CCDC141: variants seen among roughly 807,000 people sequenced by gnomAD.
CCDC141 encodes the protein coiled-coil domain-containing protein 141.
CCDC141 carries 168 observed loss-of-function variants against 181.0 expected under a neutral mutation model. That is an observed-to-expected ratio of 0.93 (90% confidence interval 0.82 to 1.05). The LOEUF (loss-of-function observed/expected upper bound fraction) is 1.05. CCDC141 is among the 50% of genes least tolerant of loss of function. The pLI, the probability that CCDC141 is intolerant of heterozygous loss-of-function variation, is 0.00. For synonymous variants in CCDC141, 666 were observed against 642.3 expected (o/e 1.04, Z -0.56); for missense variants, 1,902 against 1,788.5 (o/e 1.06, Z -1.14).
chr2:179,027,646 C>CAAAAAAAAAAAAAAAAAAAAA (rs71023466), intron 2 of CCDC141, among the ~76,000 whole-genome samples: 10 of 53,272 alleles, frequency 1.9e-4, no homozygotes, highest in African/African-American at 4.8e-4. Context: ...CTCTTACTCT[C>CAAAAAAAAAAAAAAAAAAAAA]AAAAAAAAAA....
intron 2 of CCDC141, among the ~76,000 whole-genome samples, chr2:179,006,643 A>G (rs1235452241): frequency 2.0e-5 from 3 of 152,182 alleles, no homozygotes; most frequent in Non-Finnish European, 4.4e-5. Context: ...TGTCTAACAC[A>G]TTTCGTACAA....
At chr2:178,957,622 G>A (rs1419363176) in intron 5 of CCDC141, among the ~76,000 whole-genome samples, 1 of 152,240 alleles carries the variant, frequency 6.6e-6, no homozygotes, top group Non-Finnish European at 1.5e-5. Flanking sequence ...GCACATGGAT[G>A]CCCATAACAG....
chr2:178,909,918 GGA>G (rs1491535343), intron 7 of CCDC141, among the ~76,000 whole-genome samples: 3 of 151,992 alleles, frequency 2.0e-5, no homozygotes, highest in African/African-American at 7.3e-5. Flanking sequence ...GACTGGATTG[GGA>G]AAAAAGGATA....
chr2:178,879,074 T>C (rs534481698), intron 11 of CCDC141, among the ~76,000 whole-genome samples: 4 of 152,378 alleles, frequency 2.6e-5, no homozygotes, highest in South Asian at 4.1e-4. Flanking sequence ...CCTGGAATTA[T>C]ATTTTCTCAT....
At position 178,850,113 on chromosome 2, in the gene CCDC141, T is replaced by C; in HGVS notation, c.3293A>G (p.Lys1098Arg). Reference protein sequence around the residue: ...KYIEKIVTKHKEVLESVTELC... With the variant: ...KYIEKIVTKHREVLESVTELC... Reference sequence around the variant, plus strand: ...TTCAGTCACAGATTCAAGAACCTCTTTGTGTTTTGTCACTATTTTCTCAAT... The same window carrying C: ...TTCAGTCACAGATTCAAGAACCTCTCTGTGTTTTGTCACTATTTTCTCAAT... Residue 1098 changes from lysine to arginine, a missense_variant, in exon 21 of 24, where the codon AAA (lysine) becomes AGA (arginine). By Grantham distance (26) the Lys-to-Arg change is conservative. Coordinates refer to ENST00000443758, the MANE Select transcript of CCDC141 (RefSeq NM_173648.4). 6.2e-7 allele frequency: 1 copy of C among 1,611,834 alleles called. No individual in the cohort carries two copies. Among genetic ancestry groups the C allele is most frequent in the Non-Finnish European group, 8.5e-7 (1 of 1,178,476 alleles).
intron 8 of CCDC141, among the ~76,000 whole-genome samples, chr2:178,889,745 G>C (rs1687058624): frequency 1.3e-5 from 2 of 152,152 alleles, no homozygotes; most frequent in Admixed American, 1.3e-4. Context: ...TCCCAGGTAA[G>C]TTTAATTGGA....
intron 4 of CCDC141, among the ~76,000 whole-genome samples, chr2:178,966,034 A>G (rs943829342): frequency 2.0e-5 from 3 of 152,214 alleles, no homozygotes; most frequent in Non-Finnish European, 4.4e-5. Flanking sequence ...AGCCCACTGC[A>G]GCTCAGCAAC....
rs1483739514 is a variant in CCDC141 at position 178,905,380 on chromosome 2, G to A, written c.1214C>T (p.Thr405Ile). ...ELHRKIKDCTTDALQKGQTLI... is the reference protein window; with the variant it reads ...ELHRKIKDCTIDALQKGQTLI... The stretch of plus-strand genomic sequence containing the variant: ...GGTTTGTCCCTTTTGCAAAGCATCA[G>A]TTGTGCAGTCTTTAATTTTTCTGTG... The change falls in exon 8 of 24, where the codon ACT (threonine) becomes ATT (isoleucine). Residue 405 changes from threonine to isoleucine, a missense_variant. Coordinates refer to ENST00000443758, the MANE Select transcript of CCDC141 (RefSeq NM_173648.4). 1 of 1,550,634 alleles carries A rather than the reference G, an allele frequency of 6.4e-7. No homozygotes were observed. The highest frequency in any genetic ancestry group is 1.2e-5 in the South Asian group (1 of 84,038).
chr2:178,961,819 C>T (rs1298442002), intron 4 of CCDC141, among the ~76,000 whole-genome samples: 1 of 152,170 alleles, frequency 6.6e-6, no homozygotes, highest in African/African-American at 2.4e-5. Flanking sequence ...GAGTGTTCTA[C>T]ATTCTGAGGT....
At chr2:179,036,762 A>C (rs1245374909) in intron 2 of CCDC141, among the ~76,000 whole-genome samples, 1 of 152,244 alleles carries the variant, frequency 6.6e-6, no homozygotes, top group African/African-American at 2.4e-5. Flanking sequence ...AAAATGCTCC[A>C]TGCAAAATAA....
rs561227080 is a variant in CCDC141 at position 179,038,220 on chromosome 2, G to A, written c.225+9064C>T. ...AGGTCTGATACATGCTGCAAAATGG[G>A]TGAACCTTGAAAACATCATATGCTA... On this transcript the variant is annotated intron_variant, in intron 2 of 23. Transcript: ENST00000443758. Among the ~76,000 whole-genome samples, 288 of 152,258 alleles carry A rather than the reference G, an allele frequency of 1.9e-3. 1 individual carries two copies. Among genetic ancestry groups the A allele is most frequent in the South Asian group, 6.0e-3 (29 of 4,822 alleles).
chr2:178,910,299 A>T (rs1349425657), intron 7 of CCDC141, among the ~76,000 whole-genome samples: 29 of 152,230 alleles, frequency 1.9e-4, no homozygotes. Flanking sequence ...TTGCTTCTTG[A>T]CTAATCAACT....
intron 2 of CCDC141, among the ~76,000 whole-genome samples, chr2:178,982,725 G>A (rs879576491): frequency 6.2e-4 from 95 of 152,246 alleles, no homozygotes; most frequent in Non-Finnish European, 8.8e-4. Flanking sequence ...GGAGAATCGG[G>A]TCACTCCCAC....
chr2:178,987,261 C>T (rs1347671577), intron 2 of CCDC141, among the ~76,000 whole-genome samples: 3 of 151,646 alleles, frequency 2.0e-5, no homozygotes, highest in Non-Finnish European at 4.4e-5. Flanking sequence ...AACTGGCTAG[C>T]CATATGTAGA....
chr2:179,015,089 T>TATATATATATATATATA lies in CCDC141; in HGVS notation c.225+32194_225+32195insTATATATATATATATAT, dbSNP rs2042405859. On this transcript the variant is annotated intron_variant, in intron 2 of 23. Transcript: ENST00000443758. The stretch of plus-strand genomic sequence containing the variant: ...AGAGATATATATATATATATATATA[T>TATATATATATATATATA]ATATATATATATATAATATATATAT... Among the ~76,000 whole-genome samples, 201 of 47,114 alleles carry TATATATATATATATATA rather than the reference T, an allele frequency of 4.3e-3. 12 individuals carry two copies. Among genetic ancestry groups the TATATATATATATATATA allele is most frequent in the African/African-American group, 0.012 (192 of 15,604 alleles). The allele number at this position is 47,114 out of a possible 152,430, so 30.9% of individuals were successfully genotyped here. A position where few individuals can be genotyped will look rare whatever the true frequency, so the allele number is the denominator to read the frequency against.
At chr2:178,855,584 T>C in intron 18 of CCDC141, 43 bp from the exon 19 acceptor site, 1 of 1,369,732 alleles carries the variant, frequency 7.3e-7, no homozygotes, top group Non-Finnish European at 1.0e-6. Context: ...ATTCAATTTG[T>C]ATTTATGATG....
At chr2:179,005,507 A>G (rs2042099626) in intron 2 of CCDC141, among the ~76,000 whole-genome samples, 1 of 152,210 alleles carries the variant, frequency 6.6e-6, no homozygotes, top group Non-Finnish European at 1.5e-5. Flanking sequence ...CATTGTAATG[A>G]ACAAGCATAT....
chr2:179,012,266 C>A (rs1023307465), intron 2 of CCDC141, among the ~76,000 whole-genome samples: 5 of 152,164 alleles, frequency 3.3e-5, no homozygotes, highest in African/African-American at 4.8e-5. Context: ...ATCCAAATCA[C>A]CTCACTAAGA....
In CCDC141 at chr2:178,868,937, C is replaced by T. The variant is rs183730908; in HGVS notation, c.2394+180G>A. On this transcript the variant is annotated intron_variant, in intron 15 of 23. Transcript: ENST00000443758. Reference sequence around the variant, plus strand: ...TGCATCATCTCTGAGGGACAAAGAGCTCAGTTTGGCTGGAACAAAAGGAAG... The same window carrying T: ...TGCATCATCTCTGAGGGACAAAGAGTTCAGTTTGGCTGGAACAAAAGGAAG... 4.3e-3 allele frequency among the ~76,000 whole-genome samples: 656 copies of T among 152,174 alleles called. 7 individuals carry two copies. The highest frequency in any genetic ancestry group is 0.015 in the African/African-American group (631 of 41,504).
Sources: gnomAD v4.1 joint callset for allele counts (sites outside exome capture counted in the v4.1 genomes callset) on GRCh38, gnomAD v4.1.1 for gene constraint, MANE v1.5 for transcripts, NCBI Gene and HGNC (gene_info 2026-07-23, HGNC 2026-07-21) for gene names.